LOC122539214: variants seen among roughly 807,000 people sequenced by gnomAD.
the LOC122539214 span, among the ~76,000 whole-genome samples, chr19:52,677,832 G>C: frequency 2.0e-5 from 3 of 151,964 alleles, no homozygotes; most frequent in Non-Finnish European, 4.4e-5. Context: ...AGGAGTTCAA[G>C]ACCAGCCTGA....
At chr19:52,677,869 T>TA in the LOC122539214 span, among the ~76,000 whole-genome samples, 2 of 151,500 alleles carry the variant, frequency 1.3e-5, no homozygotes, top group East Asian at 1.9e-4. Flanking sequence ...CCATCTCTAC[T>TA]AAAAAAATAC....
At chr19:52,677,076 T>C in the LOC122539214 span, among the ~76,000 whole-genome samples, 114 of 143,680 alleles carry the variant, frequency 7.9e-4, no homozygotes, top group African/African-American at 2.6e-3. Flanking sequence ...TGTTGTCCTA[T>C]GACCCTGCCA....
chr19:52,653,255 T>A, the LOC122539214 span: 1 of 1,510,450 alleles, frequency 6.6e-7, no homozygotes, highest in Non-Finnish European at 9.2e-7. Flanking sequence ...GTATGAAGCC[T>A]ATAATGACAT....
At chr19:52,690,484 T>C in the LOC122539214 span, 1 of 185,838 alleles carries the variant, frequency 5.4e-6, no homozygotes, top group Non-Finnish European at 1.2e-5. Flanking sequence ...CGCTTCCAGA[T>C]TTGCGAGAAT....
the LOC122539214 span, among the ~76,000 whole-genome samples, chr19:52,670,143 C>T: frequency 2.0e-5 from 3 of 152,124 alleles, no homozygotes; most frequent in East Asian, 5.8e-4. Flanking sequence ...ATTCTGATCA[C>T]CTGCTCCACC....
the LOC122539214 span, among the ~76,000 whole-genome samples, chr19:52,659,945 G>A: frequency 5.3e-5 from 8 of 152,062 alleles, no homozygotes; most frequent in South Asian, 2.1e-4. Flanking sequence ...GTAATCCCAC[G>A]ACCTTGGGAG....
At chr19:52,662,825 T>C in the LOC122539214 span, among the ~76,000 whole-genome samples, 1 of 152,050 alleles carries the variant, frequency 6.6e-6, no homozygotes, top group Non-Finnish European at 1.5e-5. Flanking sequence ...TCCTATGTGA[T>C]GGACTGGAAG....
At chr19:52,669,762 C>G in the LOC122539214 span, among the ~76,000 whole-genome samples, 1 of 152,136 alleles carries the variant, frequency 6.6e-6, no homozygotes, top group African/African-American at 2.4e-5. Flanking sequence ...AATGGGTGTA[C>G]TTATTCTTGT....
the LOC122539214 span, among the ~76,000 whole-genome samples, chr19:52,662,556 A>G: frequency 5.3e-5 from 8 of 152,180 alleles, no homozygotes; most frequent in Non-Finnish European, 2.9e-5. Context: ...CCATTCTGGT[A>G]CTTGTGTTTT....
the LOC122539214 span, among the ~76,000 whole-genome samples, chr19:52,689,232 A>G: frequency 6.6e-6 from 1 of 152,118 alleles, no homozygotes; most frequent in Non-Finnish European, 1.5e-5. Context: ...TTGGATATGA[A>G]TCCACTGAGC....
the LOC122539214 span, among the ~76,000 whole-genome samples, chr19:52,678,018 G>A: frequency 7.0e-6 from 1 of 143,346 alleles, no homozygotes; most frequent in Non-Finnish European, 1.6e-5. Flanking sequence ...CTGGGTGACA[G>A]AGTGAGACTG....
At chr19:52,654,106 T>C in the LOC122539214 span, 1 of 1,605,064 alleles carries the variant, frequency 6.2e-7, no homozygotes, top group Non-Finnish European at 8.5e-7. Flanking sequence ...TTCAGGCAGA[T>C]GTGAATAAAA....
At chr19:52,689,901 A>C in the LOC122539214 span, among the ~76,000 whole-genome samples, 1 of 152,194 alleles carries the variant, frequency 6.6e-6, no homozygotes, top group South Asian at 2.1e-4. Flanking sequence ...CACCTCCCCA[A>C]CGCGGGCTCA....
the LOC122539214 span, among the ~76,000 whole-genome samples, chr19:52,688,818 A>C: frequency 6.6e-6 from 1 of 152,184 alleles, no homozygotes; most frequent in Non-Finnish European, 1.5e-5. Flanking sequence ...GTTTAAAAAT[A>C]AAAAGAAAAG....
chr19:52,687,147 C>T, the LOC122539214 span, among the ~76,000 whole-genome samples: 20 of 148,414 alleles, frequency 1.3e-4, no homozygotes, highest in African/African-American at 4.7e-4. Flanking sequence ...CAACATTGCC[C>T]TCCAGCCTGA....
chr19:52,671,370 A>G, the LOC122539214 span, among the ~76,000 whole-genome samples: 1 of 152,194 alleles, frequency 6.6e-6, no homozygotes, highest in Non-Finnish European at 1.5e-5. Context: ...TAATTTATAA[A>G]TGTATTGTAA....
chr19:52,671,416 A>T, the LOC122539214 span, among the ~76,000 whole-genome samples: 1 of 152,222 alleles, frequency 6.6e-6, no homozygotes, highest in Non-Finnish European at 1.5e-5. Context: ...TGAAAAAATT[A>T]GAAAATGTAC....
chr19:52,666,121 A>G, the LOC122539214 span, among the ~76,000 whole-genome samples: 11 of 147,180 alleles, frequency 7.5e-5, no homozygotes, highest in Admixed American at 4.2e-4. Flanking sequence ...CCAAGATCGC[A>G]CCACTGCACT....
chr19:52,687,665 T>C, the LOC122539214 span, among the ~76,000 whole-genome samples: 1 of 102,180 alleles, frequency 9.8e-6, no homozygotes, highest in Non-Finnish European at 1.8e-5. Flanking sequence ...ATAATGTATA[T>C]ATATATATAA....
Sources: gnomAD v4.1 joint callset for allele counts (sites outside exome capture counted in the v4.1 genomes callset) on GRCh38, gnomAD v4.1.1 for gene constraint, MANE v1.5 for transcripts.